Variants in CACNA2D3 observed in about 807,000 individuals in gnomAD.
CACNA2D3 encodes calcium voltage-gated channel auxiliary subunit alpha2delta 3.
Under a neutral mutation model 160.6 loss-of-function variants are expected in CACNA2D3, and 60 were observed. The ratio of observed to expected loss-of-function variants is 0.37; its 90% CI spans 0.30 to 0.46. The LOEUF is 0.46. Ranked by LOEUF, CACNA2D3 falls within the 20% of genes least tolerant of loss-of-function variation. CACNA2D3 has a pLI of 1.00. For missense variants in CACNA2D3, 1,205 were observed against 1,365.0 expected (o/e 0.88, Z 1.85); for synonymous variants, 558 against 492.9 (o/e 1.13, Z -1.75).
chr3:54,883,920 C>G (rs1263145414), intron 21 of CACNA2D3, among the ~76,000 whole-genome samples: 1 of 151,750 alleles, frequency 6.6e-6, no homozygotes, highest in Non-Finnish European at 1.5e-5. Context: ...CTGATATTCT[C>G]TAAAGTTAAA....
chr3:54,922,434 T>C (rs986283939), intron 27 of CACNA2D3, among the ~76,000 whole-genome samples: 1 of 152,136 alleles, frequency 6.6e-6, no homozygotes, highest in African/African-American at 2.4e-5. Context: ...CCACTTTACC[T>C]GTAGACGTAA....
intron 3 of CACNA2D3, among the ~76,000 whole-genome samples, chr3:54,331,183 A>C (rs1354419631): frequency 2.0e-5 from 3 of 152,128 alleles, no homozygotes; most frequent in Non-Finnish European, 2.9e-5. Flanking sequence ...AAGGGGGAAA[A>C]ATGAAATCAC....
chr3:54,996,081 C>T (rs1702852080), intron 31 of CACNA2D3, among the ~76,000 whole-genome samples: 1 of 152,212 alleles, frequency 6.6e-6, no homozygotes, highest in Non-Finnish European at 1.5e-5. Flanking sequence ...GCAATACCAA[C>T]ACTCAGAGGT....
intron 31 of CACNA2D3, among the ~76,000 whole-genome samples, chr3:54,997,796 A>G (rs1227305300): frequency 6.6e-6 from 1 of 152,196 alleles, no homozygotes; most frequent in African/African-American, 2.4e-5. Context: ...AACGTTGAGA[A>G]TCACTGTTTT....
chr3:54,631,396 A>G (rs1391601979), intron 10 of CACNA2D3, among the ~76,000 whole-genome samples: 1 of 152,232 alleles, frequency 6.6e-6, no homozygotes, highest in East Asian at 1.9e-4. Context: ...GAGGTGGTTA[A>G]TCTCCCATGA....
intron 27 of CACNA2D3, among the ~76,000 whole-genome samples, chr3:54,907,780 G>A (rs1354873609): frequency 6.6e-6 from 1 of 152,044 alleles, no homozygotes; most frequent in Non-Finnish European, 1.5e-5. Context: ...CTTTCTCTAT[G>A]GATTTGTCTA....
chr3:54,735,573 A>T (rs1329334412), intron 11 of CACNA2D3, among the ~76,000 whole-genome samples: 1 of 152,148 alleles, frequency 6.6e-6, no homozygotes, highest in African/African-American at 2.4e-5. Flanking sequence ...ACTTCTAATT[A>T]ATTTTCAGTA....
At chr3:54,548,414 C>G (rs189431582) in intron 5 of CACNA2D3, among the ~76,000 whole-genome samples, 1 of 152,140 alleles carries the variant, frequency 6.6e-6, no homozygotes, top group Non-Finnish European at 1.5e-5. Context: ...GAGGGAGGAG[C>G]CTTTTTCCAC....
At chr3:54,745,771 C>G (rs1701742967) in intron 11 of CACNA2D3, among the ~76,000 whole-genome samples, 1 of 152,168 alleles carries the variant, frequency 6.6e-6, no homozygotes, top group Non-Finnish European at 1.5e-5. Flanking sequence ...GACTTTTATC[C>G]CTTTGGCCAG....
chr3:55,003,771 G>A (rs1405544560), intron 31 of CACNA2D3, among the ~76,000 whole-genome samples: 3 of 152,144 alleles, frequency 2.0e-5, no homozygotes, highest in Non-Finnish European at 4.4e-5. Flanking sequence ...CTCTTCCTCT[G>A]TAATATGAAT....
chr3:54,573,275 A>T (rs1009402244), intron 8 of CACNA2D3, among the ~76,000 whole-genome samples: 1 of 152,352 alleles, frequency 6.6e-6, no homozygotes, highest in East Asian at 1.9e-4. Context: ...AATGGATCAG[A>T]TATGTTAGTG....
intron 11 of CACNA2D3, 49 bp from the exon 12 acceptor site, chr3:54,752,550 G>A (rs1194311847): frequency 1.5e-6 from 2 of 1,330,442 alleles, no homozygotes; most frequent in African/African-American, 1.4e-5. Context: ...ATCTGTGCAG[G>A]ATGGCGAAAA....
intron 13 of CACNA2D3, among the ~76,000 whole-genome samples, chr3:54,813,552 G>A (rs938764769): frequency 6.6e-6 from 1 of 152,118 alleles, no homozygotes. Flanking sequence ...GTGGTGGGGG[G>A]TGTTGATTCA....
At chr3:54,220,480 G>A (rs762668678) in intron 2 of CACNA2D3, among the ~76,000 whole-genome samples, 6 of 152,154 alleles carry the variant, frequency 3.9e-5, no homozygotes, top group Admixed American at 6.5e-5. Context: ...ACTCGAATGG[G>A]ACAACTGGGT....
chr3:54,429,630 T>C (rs1699959686), intron 4 of CACNA2D3, among the ~76,000 whole-genome samples: 1 of 152,166 alleles, frequency 6.6e-6, no homozygotes, highest in Non-Finnish European at 1.5e-5. Context: ...GGTTATATCA[T>C]GATGGTGCTC....
At position 54,328,918 on chromosome 3, in the gene CACNA2D3, G is replaced by A. The variant is rs151194180; in HGVS notation, c.321+8360G>A. 9.9e-5 allele frequency among the ~76,000 whole-genome samples: 15 copies of A among 152,264 alleles called. No individual in the cohort carries two copies. The East Asian group carries it at 2.9e-3, about 30-fold the overall frequency. On this transcript the variant is annotated intron_variant, in intron 3 of 37. Coordinates refer to ENST00000474759, the MANE Select transcript of CACNA2D3 (RefSeq NM_018398.3). Reference sequence around the variant, plus strand: ...TTTGGAGGAATCAGCTGGGAGCATCGGCGGCTCAATACCTAGGGACTGTGG... The same window carrying A: ...TTTGGAGGAATCAGCTGGGAGCATCAGCGGCTCAATACCTAGGGACTGTGG...
At chr3:54,389,946 T>A (rs2106669681) in intron 4 of CACNA2D3, among the ~76,000 whole-genome samples, 1 of 152,346 alleles carries the variant, frequency 6.6e-6, no homozygotes, top group Non-Finnish European at 1.5e-5. Context: ...CCCTATACTG[T>A]GATTATGTTA....
chr3:54,566,340 G>A (rs764008767), intron 6 of CACNA2D3, among the ~76,000 whole-genome samples: 61 of 152,170 alleles, frequency 4.0e-4, no homozygotes, highest in South Asian at 4.1e-4. Flanking sequence ...CATCTAATGA[G>A]TAGTGTTCTC....
intron 11 of CACNA2D3, among the ~76,000 whole-genome samples, chr3:54,650,720 C>T (rs532239670): frequency 4.6e-5 from 7 of 152,230 alleles, no homozygotes; most frequent in Non-Finnish European, 7.4e-5. Flanking sequence ...AGGCTGGTTT[C>T]GAACTCCTGG....
Sources: allele counts gnomAD v4.1 joint callset (sites outside exome capture counted in the v4.1 genomes callset), GRCh38; gene constraint gnomAD v4.1.1; transcripts MANE v1.5; gene names NCBI Gene and HGNC (gene_info 2026-07-23, HGNC 2026-07-21).